Variants in RSRP1 observed in about 807,000 individuals in gnomAD.
RSRP1 encodes arginine/serine-rich protein 1.
Under a neutral mutation model 33.0 loss-of-function variants are expected in RSRP1, and 37 were observed. The observed-to-expected ratio is 1.12, with a 90% CI of 0.86 to 1.48. RSRP1 has a LOEUF of 1.48. RSRP1 is among the 40% of genes most tolerant of loss of function. The probability of loss-of-function intolerance (pLI) is 0.00; values close to 1 mark genes in which losing one functional copy is unlikely to be tolerated. For synonymous variants in RSRP1, 167 were observed against 158.7 expected (o/e 1.05, Z -0.40); for missense variants, 402 against 385.3 (o/e 1.04, Z -0.36).
upstream of RSRP1, among the ~76,000 whole-genome samples, chr1:25,251,197 G>A (rs1639767242): frequency 6.6e-6 from 1 of 151,878 alleles, no homozygotes; most frequent in Non-Finnish European, 1.5e-5. Context: ...TCTTCCCCTA[G>A]AGCCTCCAAA....
Position 25,246,568 on chromosome 1 carries a change from C to T in RSRP1, c.396G>A (p.Ala132=), listed in dbSNP as rs368478702. 1 of 1,614,130 alleles carries T rather than the reference C, an allele frequency of 6.2e-7. No individual in the cohort carries two copies. Among genetic ancestry groups the T allele is most frequent in the Non-Finnish European group, 8.5e-7 (1 of 1,180,052 alleles). Residue 132 remains alanine, a synonymous_variant, in exon 2 of 5, where the codon GCG becomes GCA. Coordinates refer to ENST00000243189, the MANE Select transcript of RSRP1 (RefSeq NM_020317.5). ...CGTAGTAGCGCTGTCCCCGCGCGATCGCGTACGCCCTTCCGCAGTACGACC... is the reference window on the plus strand; with the variant it reads ...CGTAGTAGCGCTGTCCCCGCGCGATTGCGTACGCCCTTCCGCAGTACGACC... The part of the protein sequence containing the change: ...RGRSYCGRAY[A]IARGQRYYGF...
In RSRP1 at chr1:25,320,198, G is replaced by A. The variant is rs150322677; in HGVS notation, c.-67+17780C>T. Among the ~76,000 whole-genome samples the A allele has an allele frequency of 3.6e-3, 479 of 131,752 alleles. 68 individuals carry two copies. The highest frequency in any genetic ancestry group is 0.016 in the Middle Eastern group (4 of 244). The allele number at this position is 131,752 out of a possible 152,430, so 86.4% of individuals were successfully genotyped here. ...CAGGGATAAGCCACTGCGACCGGCC[G>A]ACAAATTCTTAAAACTGGACACAAG... is the stretch of plus-strand genomic sequence containing the variant. On this transcript the variant is annotated intron_variant, in intron 1 of 1. Transcript: ENST00000561867.
chr1:25,331,993 G>A (rs1484377566), intron 1 of RSRP1, among the ~76,000 whole-genome samples: 1 of 125,000 alleles, frequency 8.0e-6, no homozygotes, highest in Non-Finnish European at 1.9e-5. Flanking sequence ...ACCTGCCTCA[G>A]CCTCCCAAAG....
chr1:25,329,334 T>TC (rs1214076171), intron 1 of RSRP1: 1 of 360,602 alleles, frequency 2.8e-6, no homozygotes, highest in African/African-American at 2.5e-5. Context: ...AACCTCTACC[T>TC]CCTGGGTTCA....
At chr1:25,288,224 C>G (rs570039177) in intron 1 of RSRP1, among the ~76,000 whole-genome samples, 2,777 of 131,808 alleles carry the variant, frequency 0.021, 429 homozygotes, top group African/African-American at 0.066. Context: ...CACTGTGTTG[C>G]TCAGGCTGGT....
In RSRP1 at chr1:25,303,477, T is replaced by C. The variant is rs374901876; in HGVS notation, c.-67+34501A>G. 3 of 1,378,372 alleles carry C rather than the reference T, an allele frequency of 2.2e-6. No individual in the cohort carries two copies. The African/African-American group carries it at 4.3e-5, about 20-fold the overall frequency. The allele number at this position is 1,378,372 out of a possible 1,614,324, so 85.4% of individuals were successfully genotyped here. ...ACCTGCCGGTAAGAAACTAGACAAC[T>C]AACCTCCTCTGCTTTGGCTGAAGGC... On this transcript the variant is annotated intron_variant, in intron 1 of 1. Transcript: ENST00000561867.
In RSRP1 at chr1:25,306,649, C is replaced by G. The variant is rs369751348; in HGVS notation, c.-67+31329G>C. 2.6e-5 allele frequency: 36 copies of G among 1,378,592 alleles called. 8 individuals are homozygous for G. Among genetic ancestry groups the G allele is most frequent in the Non-Finnish European group, 2.9e-5 (28 of 978,978 alleles). The allele number at this position is 1,378,592 out of a possible 1,614,324, so 85.4% of individuals were successfully genotyped here. ...CCCACAGCTCCATCATGGGCTACAA[C>G]TTCAGCTTGCTGGGTCTGCTTGGAG... On this transcript the variant is annotated intron_variant, in intron 1 of 1. Coordinates refer to the RSRP1 transcript ENST00000561867.
At chr1:25,261,250 A>C (rs1380904810) in intron 1 of RSRP1, among the ~76,000 whole-genome samples, 4 of 152,296 alleles carry the variant, frequency 2.6e-5, no homozygotes, top group East Asian at 3.9e-4. Flanking sequence ...TCTGAGGGAG[A>C]TCAATTCAGT....
Position 25,268,925 on chromosome 1 carries a change from G to A in RSRP1, c.-66-21896C>T, listed in dbSNP as rs1190934038. Among the ~76,000 whole-genome samples, 8 of 118,776 alleles carry A rather than the reference G, an allele frequency of 6.7e-5. No individual in the cohort carries two copies. In the East Asian group the frequency reaches 1.6e-3, roughly 24 times the overall value. The allele number at this position is 118,776 out of a possible 152,430, so 77.9% of individuals were successfully genotyped here. A position where few individuals can be genotyped will look rare whatever the true frequency, so the allele number is the denominator to read the frequency against. On this transcript the variant is annotated intron_variant, in intron 1 of 1. Transcript: ENST00000561867. ...ATTGTGCCATTGCAGTCCAGCCTAG[G>A]CAACAAGAGCAAAACTTCATCTCAA... is the stretch of plus-strand genomic sequence containing the variant.
At chr1:25,337,390 C>G (rs1645101906) in intron 1 of RSRP1, 1 of 149,244 alleles carries the variant, frequency 6.7e-6, no homozygotes, top group Non-Finnish European at 1.5e-5. Context: ...ACGGTGATTC[C>G]AGACGCGAGA....
chr1:25,318,751 G>A lies in RSRP1; in HGVS notation c.-67+19227C>T, dbSNP rs1448560295. ...GACACTATGAGTTGTGTGACGTTGG[G>A]CATGTCACTTTACTCCCTCTGAGCC... On this transcript the variant is annotated intron_variant, in intron 1 of 1. Transcript: ENST00000561867. Among the ~76,000 whole-genome samples the A allele has an allele frequency of 3.8e-5, 5 of 132,606 alleles. 2 individuals carry two copies. Among genetic ancestry groups the A allele is most frequent in the Admixed American group, 2.2e-4 (3 of 13,638 alleles). The allele number at this position is 132,606 out of a possible 152,430, so 87.0% of individuals were successfully genotyped here.
chr1:25,242,775 TTAAA>T (rs1638957872), intron 4 of RSRP1, 70 bp from the exon 5 acceptor site: 12 of 1,082,254 alleles, frequency 1.1e-5, no homozygotes, highest in Non-Finnish European at 6.9e-6. Context: ...AAAAAGTACA[TTAAA>T]TAATCCCATG....
rs1640373347 is a variant in RSRP1 at position 25,267,990 on chromosome 1, A to C, written c.-66-20961T>G. Reference sequence around the variant, plus strand: ...CGCCCCGTGTCCGCATGCGCGACTGAGCCGCGGGGGTGGTACTGCTGCATC... The same window carrying C: ...CGCCCCGTGTCCGCATGCGCGACTGCGCCGCGGGGGTGGTACTGCTGCATC... On this transcript the variant is annotated intron_variant, in intron 1 of 1. Transcript: ENST00000561867. The C allele has an allele frequency of 3.0e-5, 4 of 133,676 alleles. 1 individual carries two copies. The highest frequency in any genetic ancestry group is 2.9e-4 in the Admixed American group (4 of 13,910). 8.3% of individuals were successfully genotyped at this position (133,676 alleles called of 1,614,324 possible). A position where few individuals can be genotyped will look rare whatever the true frequency, so the allele number is the denominator to read the frequency against.
At chr1:25,310,973 CAA>C (rs1158185993) in intron 1 of RSRP1, among the ~76,000 whole-genome samples, 25 of 74,550 alleles carry the variant, frequency 3.4e-4, no homozygotes, top group Admixed American at 4.1e-4. Flanking sequence ...AACTCCATCT[CAA>C]AAAAAAAAAA....
intron 1 of RSRP1, among the ~76,000 whole-genome samples, chr1:25,316,618 GAAAAA>G (rs1171433774): frequency 2.5e-5 from 1 of 40,632 alleles, no homozygotes; most frequent in East Asian, 6.4e-4. Context: ...AACAAAAACA[GAAAAA>G]AAAAAAAAAA....
chr1:25,242,813 A>G (rs1341207899), intron 4 of RSRP1, 108 bp from the exon 5 acceptor site: 3 of 794,710 alleles, frequency 3.8e-6, no homozygotes, highest in African/African-American at 3.4e-5. Context: ...GATATTATCA[A>G]TTGCTGGGCG....
chr1:25,298,709 T>C (rs1470565657), intron 1 of RSRP1, among the ~76,000 whole-genome samples: 1 of 131,770 alleles, frequency 7.6e-6, no homozygotes, highest in Non-Finnish European at 1.8e-5. Context: ...TGGTATTTAC[T>C]ATATACCAGG....
At position 25,307,871 on chromosome 1, in the gene RSRP1, C is replaced by T; in HGVS notation, c.-67+30107G>A. The stretch of plus-strand genomic sequence containing the variant: ...GGATGAGCTGTGTGAAGCAAGGCGC[C>T]TCTGTGATGGGTTCCAGTGATGTGT... On this transcript the variant is annotated intron_variant, in intron 1 of 1. Transcript: ENST00000561867. 2 of 1,274,266 alleles carry T rather than the reference C, an allele frequency of 1.6e-6. 1 individual carries two copies. Among genetic ancestry groups the T allele is most frequent in the Non-Finnish European group, 2.2e-6 (2 of 921,702 alleles). 78.9% of individuals were successfully genotyped at this position (1,274,266 alleles called of 1,614,324 possible). A position where few individuals can be genotyped will look rare whatever the true frequency, so the allele number is the denominator to read the frequency against.
At chr1:25,256,029 G>A (rs540495870) in intron 1 of RSRP1, among the ~76,000 whole-genome samples, 278 of 152,240 alleles carry the variant, frequency 1.8e-3, no homozygotes, top group South Asian at 7.5e-3. Flanking sequence ...TCAACCATTC[G>A]GGCCAATAAA....
Sources: allele counts gnomAD v4.1 joint callset (sites outside exome capture counted in the v4.1 genomes callset), GRCh38; gene constraint gnomAD v4.1.1; transcripts MANE v1.5; gene names NCBI Gene and HGNC (gene_info 2026-07-23, HGNC 2026-07-21).